CYREN: variants seen among roughly 807,000 people sequenced by gnomAD.
CYREN encodes the protein cell cycle regulator of NHEJ.
In CYREN, 7 loss-of-function variants were observed where a neutral mutation model predicts 9.7. That is an observed-to-expected ratio of 0.72 (90% CI 0.41 to 1.36). The LOEUF (loss-of-function observed/expected upper bound fraction) is 1.36. Among genes scored for constraint, CYREN ranks in the 40% most tolerant of loss-of-function variants. The pLI is 0.01. For synonymous variants in CYREN, 76 were observed against 77.9 expected, an observed-to-expected ratio of 0.98 and a Z score of 0.13; for missense variants, 215 against 198.1, an observed-to-expected ratio of 1.09 and a Z score of -0.51.
intron 2 of CYREN, among the ~76,000 whole-genome samples, chr7:135,095,449 T>G (rs988863927): frequency 1.3e-5 from 2 of 152,208 alleles, no homozygotes; most frequent in Non-Finnish European, 2.9e-5. Context: ...ATTCCAAGCC[T>G]TTGATACTAG....
chr7:135,105,261 G>A (rs1824506347), intron 2 of CYREN, among the ~76,000 whole-genome samples: 1 of 151,982 alleles, frequency 6.6e-6, no homozygotes, highest in Non-Finnish European at 1.5e-5. Context: ...GTAGGGATGG[G>A]GTTTCACCAT....
At position 135,167,706 on chromosome 7, in the gene CYREN, T is replaced by C. The variant is rs537689958; in HGVS notation, c.213+26A>G. 6.5e-5 allele frequency: 105 copies of C among 1,613,418 alleles called. 1 individual carries two copies. In the South Asian group the frequency reaches 1.1e-3, roughly 16 times the overall value. On this transcript the variant is annotated intron_variant, in intron 3 of 3. Coordinates refer to ENST00000393114, the MANE Select transcript of CYREN (RefSeq NM_024033.4). The stretch of plus-strand genomic sequence containing the variant: ...TCTGCCCATGCAGAGTTTCTGGTCA[T>C]GAGTAAGAGGCTTGTCTGACTTTAC...
At chr7:135,121,113 G>A (rs1180947411) in intron 2 of CYREN, among the ~76,000 whole-genome samples, 1 of 152,192 alleles carries the variant, frequency 6.6e-6, no homozygotes, top group Non-Finnish European at 1.5e-5. Context: ...GCTGAGGCAG[G>A]AGAATCACTT....
intron 3 of CYREN, chr7:135,167,490 C>T (rs1367959012): frequency 1.4e-6 from 2 of 1,397,796 alleles, no homozygotes; most frequent in Non-Finnish European, 9.3e-7. Context: ...CCCTAACACA[C>T]ACACGCCCTC....
At chr7:135,114,110 G>A (rs997563080) in intron 2 of CYREN, among the ~76,000 whole-genome samples, 2 of 23,572 alleles carry the variant, frequency 8.5e-5, no homozygotes, top group Non-Finnish European at 1.6e-4. Context: ...CAATGAACAC[G>A]TGTGTTGCTT....
chr7:135,132,624 T>C (rs1370047109), intron 2 of CYREN, among the ~76,000 whole-genome samples: 2 of 152,204 alleles, frequency 1.3e-5, no homozygotes, highest in South Asian at 2.1e-4. Context: ...CAGGTGGAGA[T>C]AATTGAATCA....
At chr7:135,093,844 C>A (rs1479589440) in exon 3 of CYREN, 3 of 152,210 alleles carry the variant, frequency 2.0e-5, no homozygotes, top group African/African-American at 4.8e-5. Context: ...GATTTCAAAA[C>A]TGACTACCAA....
chr7:135,111,739 C>T (rs1463788271), intron 2 of CYREN, among the ~76,000 whole-genome samples: 2 of 152,138 alleles, frequency 1.3e-5, no homozygotes, highest in African/African-American at 4.8e-5. Flanking sequence ...TAGGACATCA[C>T]CTCTGCCTAA....
At position 135,104,578 on chromosome 7, in the gene CYREN, T is replaced by C. The variant is rs188997398; in HGVS notation, n.357-9996A>G. On this transcript the variant is annotated intron_variant and non_coding_transcript_variant, in intron 2 of 2. Transcript: ENST00000459937. ...ATAAGATTCCCTTTTTTCTGCAACC[T>C]TGCCGGCATTTGTTATTTTTTGACT... Among the ~76,000 whole-genome samples, 16 of 152,328 alleles carry C rather than the reference T, an allele frequency of 1.1e-4. No homozygotes were observed. The East Asian group carries it at 2.9e-3, about 28-fold the overall frequency.
intron 2 of CYREN, among the ~76,000 whole-genome samples, chr7:135,097,185 G>T (rs551360138): frequency 6.6e-6 from 1 of 152,062 alleles, no homozygotes; most frequent in Non-Finnish European, 1.5e-5. Context: ...TGGTTCAAAG[G>T]TTACGACTAA....
Position 135,166,155 on chromosome 7 carries a change from T to C in CYREN, c.*456A>G, listed in dbSNP as rs1830118140. On this transcript the variant is annotated 3_prime_UTR_variant, in exon 4 of 4. Transcript: ENST00000393114. ...ATAGACTCATGATGGAAACTATTTT[T>C]GAAACAGGCTTCCTCCTTCAGGAGA... The C allele has an allele frequency of 6.5e-6, 1 of 153,836 alleles. No homozygotes were observed. Among genetic ancestry groups the C allele is most frequent in the African/African-American group, 2.4e-5 (1 of 41,504 alleles). 9.5% of individuals were successfully genotyped at this position (153,836 alleles called of 1,614,324 possible). A position where few individuals can be genotyped will look rare whatever the true frequency, so the allele number is the denominator to read the frequency against.
rs530854792 is a variant in CYREN, at chr7:135,098,317, C to T, written n.357-3735G>A. Among the ~76,000 whole-genome samples, 4 of 152,248 alleles carry T rather than the reference C, an allele frequency of 2.6e-5. No homozygotes were observed. The South Asian group carries it at 8.3e-4, about 32-fold the overall frequency. ...AAATGGCATAGTGTTTGCATATAAC[C>T]TATGCATATCCTCCAGTATGCTTTA... On this transcript the variant is annotated intron_variant and non_coding_transcript_variant, in intron 2 of 2. Transcript: ENST00000459937.
chr7:135,116,481 C>CTCTGTGAAGAGTAAAAGTA, intron 2 of CYREN, among the ~76,000 whole-genome samples: 1 of 152,064 alleles, frequency 6.6e-6, no homozygotes, highest in African/African-American at 2.4e-5. Context: ...TAGTAAAAAC[C>CTCTGTGAAGAGTAAAAGTA]CTGACTCTTC....
At chr7:135,103,284 T>A (rs1176225685) in intron 2 of CYREN, among the ~76,000 whole-genome samples, 1 of 152,176 alleles carries the variant, frequency 6.6e-6, no homozygotes, top group Admixed American at 6.5e-5. Flanking sequence ...AATCAAATTA[T>A]TGAAGCTGAG....
chr7:135,134,011 C>A (rs1446382034), intron 2 of CYREN, among the ~76,000 whole-genome samples: 1 of 151,832 alleles, frequency 6.6e-6, no homozygotes, highest in African/African-American at 2.4e-5. Context: ...ATGCAACATT[C>A]TTAAAATAAC....
At position 135,168,839 on chromosome 7, in the gene CYREN, T is replaced by G. The variant is rs543187445; in HGVS notation, c.84A>C (p.Pro28=). Residue 28 remains proline (P), a synonymous_variant, in exon 2 of 4, where the codon CCA becomes CCC. Coordinates refer to ENST00000393114, the MANE Select transcript of CYREN (RefSeq NM_024033.4). ...TTCTCATCCTCTTGGGGGCCTTCAT[T>G]GGTGCCACATTCTTTGTAGCCACCT... ...TAQVATKNVA[P]MKAPKRMRMA... 14 of 1,614,122 alleles carry G rather than the reference T, an allele frequency of 8.7e-6. No homozygotes were observed. The East Asian group carries it at 2.7e-4, about 31-fold the overall frequency.
intron 2 of CYREN, among the ~76,000 whole-genome samples, chr7:135,105,834 T>C (rs1824626711): frequency 6.6e-6 from 1 of 152,256 alleles, no homozygotes; most frequent in African/African-American, 2.4e-5. Context: ...TTGGACAATA[T>C]GACCATTTTA....
At position 135,147,681 on chromosome 7, in the gene CYREN, G is replaced by A. The variant is rs985245084; in HGVS notation, n.356+21068C>T. 2.5e-5 allele frequency: 11 copies of A among 433,762 alleles called. No individual in the cohort carries two copies. In the East Asian group the frequency reaches 4.9e-4, roughly 19 times the overall value. 26.9% of individuals were successfully genotyped at this position (433,762 alleles called of 1,614,324 possible). ...CTCTAAAAGGGGTTGGGGGACAGAC[G>A]GCATAGCTGCTTCCCAAGGAAATGA... On this transcript the variant is annotated intron_variant and non_coding_transcript_variant, in intron 2 of 2. Transcript: ENST00000459937.
Position 135,166,778 on chromosome 7 carries a change from T to G in CYREN, c.307A>C (p.Ser103Arg), listed in dbSNP as rs1010052963. The G allele has an allele frequency of 1.2e-6, 2 of 1,614,144 alleles. No individual in the cohort carries two copies. Among genetic ancestry groups the G allele is most frequent in the Non-Finnish European group, 8.5e-7 (1 of 1,180,028 alleles). ...SPPCSVSPHT[S>R]SGSSSEEEDS... ...TCTTCCTCACTGCTGCTCCCAGAAC[T>G]TGTGTGAGGCGACACGGAGCAGGGA... Residue 103 changes from serine to arginine, a missense_variant, in exon 4 of 4, where the codon AGT becomes CGT. Coordinates refer to ENST00000393114, the MANE Select transcript of CYREN (RefSeq NM_024033.4).
Sources: gnomAD v4.1 joint callset for allele counts (sites outside exome capture counted in the v4.1 genomes callset) on GRCh38, gnomAD v4.1.1 for gene constraint, MANE v1.5 for transcripts, NCBI Gene and HGNC (gene_info 2026-07-23, HGNC 2026-07-21) for gene names.